The following TTC23 variants were observed in gnomAD, a reference collection of about 807,000 sequenced individuals.
The protein encoded by TTC23 is tetratricopeptide repeat protein 23.
TTC23 carries 58 observed loss-of-function variants against 55.1 expected under a neutral mutation model. The observed-to-expected ratio is 1.05, with a 90% CI of 0.85 to 1.31. The LOEUF is 1.31. TTC23 is among the 50% of genes most tolerant of loss of function. The pLI, the probability that TTC23 is intolerant of heterozygous loss-of-function variation, is 0.00. For synonymous variants in TTC23, 203 were observed against 199.9 expected (o/e 1.02, Z -0.13); for missense variants, 516 against 534.4 (o/e 0.97, Z 0.34).
intron 1 of TTC23, among the ~76,000 whole-genome samples, 156 bp downstream of exon 1, chr15:99,249,015 T>C (rs1482571163): frequency 6.6e-6 from 1 of 152,148 alleles, no homozygotes; most frequent in Non-Finnish European, 1.5e-5. Flanking sequence ...TTATCTATTA[T>C]GCCAGGTATG....
At chr15:99,239,945 T>G (rs928213185) in intron 3 of TTC23, among the ~76,000 whole-genome samples, 2 of 152,222 alleles carry the variant, frequency 1.3e-5, no homozygotes, top group Non-Finnish European at 2.9e-5. Flanking sequence ...CTAAATCAGT[T>G]GCACATCACA....
At chr15:99,180,565 G>C (rs62025666) in intron 9 of TTC23, among the ~76,000 whole-genome samples, 11,442 of 152,232 alleles carry the variant, frequency 0.075, 437 homozygotes, top group Middle Eastern at 0.12. Context: ...ATTTCCTAAA[G>C]AGAAAGCCTG....
intron 8 of TTC23, among the ~76,000 whole-genome samples, chr15:99,202,385 A>C (rs544127642): frequency 6.6e-6 from 1 of 152,328 alleles, no homozygotes; most frequent in East Asian, 1.9e-4. Flanking sequence ...CGTAAAAGTC[A>C]CAGAAGAGAA....
intron 12 of TTC23, chr15:99,155,414 C>G (rs1400796326): frequency 6.6e-6 from 1 of 152,078 alleles, no homozygotes; most frequent in African/African-American, 2.4e-5. Flanking sequence ...TACTAGTAAG[C>G]TCTTTATGGA....
At chr15:99,164,407 G>A (rs192318985) in intron 10 of TTC23, among the ~76,000 whole-genome samples, 3 of 152,280 alleles carry the variant, frequency 2.0e-5, no homozygotes, top group East Asian at 3.9e-4. Flanking sequence ...AGGAAAATGC[G>A]AAGGCTTCCT....
chr15:99,143,463 C>A (rs1307808722), intron 12 of TTC23, among the ~76,000 whole-genome samples: 1 of 152,216 alleles, frequency 6.6e-6, no homozygotes, highest in Non-Finnish European at 1.5e-5. Flanking sequence ...CAAACCTTGA[C>A]AGTAGAACAT....
At chr15:99,180,939 A>G (rs373103445) in intron 9 of TTC23, among the ~76,000 whole-genome samples, 3 of 152,288 alleles carry the variant, frequency 2.0e-5, no homozygotes, top group East Asian at 3.9e-4. Context: ...TGAGCACTGG[A>G]GGGACACAGG....
intron 3 of TTC23, among the ~76,000 whole-genome samples, chr15:99,241,027 A>G (rs888059062): frequency 6.6e-6 from 1 of 152,152 alleles, no homozygotes; most frequent in Non-Finnish European, 1.5e-5. Flanking sequence ...ATAAAAACAT[A>G]CTTCTCAGGC....
chr15:99,239,220 A>C (rs962671663), intron 3 of TTC23, among the ~76,000 whole-genome samples: 5 of 152,198 alleles, frequency 3.3e-5, no homozygotes, highest in African/African-American at 1.2e-4. Context: ...ATGGTGGCTC[A>C]CGCCCGTAAT....
intron 1 of TTC23, among the ~76,000 whole-genome samples, chr15:99,247,971 G>A (rs936041180): frequency 5.9e-5 from 9 of 151,914 alleles, no homozygotes; most frequent in African/African-American, 1.7e-4. Flanking sequence ...AAACCACAAC[G>A]CAGTTTTATG....
At chr15:99,194,977 C>G (rs1235034779) in intron 9 of TTC23, among the ~76,000 whole-genome samples, 1 of 152,108 alleles carries the variant, frequency 6.6e-6, no homozygotes, top group African/African-American at 2.4e-5. Context: ...CTATAAAACT[C>G]CTAGAACATG....
intron 5 of TTC23, among the ~76,000 whole-genome samples, chr15:99,225,170 G>A (rs2078288154): frequency 6.6e-6 from 1 of 152,196 alleles, no homozygotes; most frequent in South Asian, 2.1e-4. Flanking sequence ...CTCAGGACCT[G>A]AGTAGGGATA....
intron 5 of TTC23, among the ~76,000 whole-genome samples, chr15:99,226,730 C>G: frequency 6.6e-6 from 1 of 152,158 alleles, no homozygotes; most frequent in Non-Finnish European, 1.5e-5. Flanking sequence ...TTTCCCTCAG[C>G]TCCTCCACAC....
At chr15:99,151,083 G>A (rs782302189) in intron 12 of TTC23, among the ~76,000 whole-genome samples, 1 of 152,232 alleles carries the variant, frequency 6.6e-6, no homozygotes, top group Non-Finnish European at 1.5e-5. Flanking sequence ...CACTTGGGAG[G>A]TTACCGTCTG....
intron 9 of TTC23, among the ~76,000 whole-genome samples, chr15:99,198,041 T>C (rs1168418994): frequency 2.0e-5 from 3 of 152,234 alleles, no homozygotes; most frequent in Non-Finnish European, 4.4e-5. Flanking sequence ...CCATGAATAC[T>C]GAAATTCCTC....
intron 5 of TTC23, among the ~76,000 whole-genome samples, chr15:99,225,004 T>A (rs2078272595): frequency 6.6e-6 from 1 of 152,104 alleles, no homozygotes; most frequent in South Asian, 2.1e-4. Context: ...ACAACTACAG[T>A]GTATGAAAGA....
intron 9 of TTC23, among the ~76,000 whole-genome samples, chr15:99,181,386 G>T (rs1325490682): frequency 1.3e-5 from 2 of 152,180 alleles, no homozygotes; most frequent in East Asian, 3.9e-4. Flanking sequence ...CACTTTAGAG[G>T]GATGCCATAA....
chr15:99,160,348 T>C, intron 11 of TTC23: 1 of 151,574 alleles, frequency 6.6e-6, no homozygotes, highest in Non-Finnish European at 1.5e-5. Context: ...AAATACATAG[T>C]CAGCCCTCCA....
intron 10 of TTC23, among the ~76,000 whole-genome samples, chr15:99,172,237 C>T (rs1177663832): frequency 1.3e-5 from 2 of 152,028 alleles, no homozygotes; most frequent in African/African-American, 4.8e-5. Context: ...AGGCTGGTCT[C>T]GAACTCCTGA....
Sources: gnomAD v4.1 joint callset for allele counts (sites outside exome capture counted in the v4.1 genomes callset) on GRCh38, gnomAD v4.1.1 for gene constraint, MANE v1.5 for transcripts, NCBI Gene and HGNC (gene_info 2026-07-23, HGNC 2026-07-21) for gene names.